Variants in TOX2 observed in about 807,000 individuals in gnomAD.
TOX2 encodes TOX high mobility group box family member 2, also known as granulosa cell HMG box 1.
TOX2 carries 15 observed loss-of-function variants against 47.4 expected under a neutral mutation model. The ratio of observed to expected loss-of-function variants is 0.32; its 90% CI spans 0.21 to 0.49. The LOEUF (loss-of-function observed/expected upper bound fraction) is 0.49, where lower values mean the gene tolerates loss of function less well. Among genes scored for constraint, TOX2 ranks in the 20% least tolerant of loss-of-function variants. TOX2 has a pLI of 0.99. For missense variants in TOX2, 622 were observed against 673.1 expected (o/e 0.92, Z 0.84); for synonymous variants, 290 against 296.6 (o/e 0.98, Z 0.23).
chr20:44,065,563 C>T lies in TOX2; in HGVS notation c.961-149C>T, dbSNP rs2071798165. 1.0e-5 allele frequency: 9 copies of T among 891,070 alleles called. No individual in the cohort carries two copies. In the South Asian group the frequency reaches 1.3e-4, roughly 13 times the overall value. The allele number at this position is 891,070 out of a possible 1,614,324, so 55.2% of individuals were successfully genotyped here. A position where few individuals can be genotyped will look rare whatever the true frequency, so the allele number is the denominator to read the frequency against. On this transcript the variant is annotated intron_variant, in intron 6 of 8. Transcript: ENST00000341197. Reference sequence around the variant, plus strand: ...GGTCAGAGCCAAGGGGACTAAGGACCCTGTGCTATCTCTGGTTAGTCCAAG... The same window carrying T: ...GGTCAGAGCCAAGGGGACTAAGGACTCTGTGCTATCTCTGGTTAGTCCAAG...
intron 5 of TOX2, among the ~76,000 whole-genome samples, chr20:44,064,033 T>C (rs1203355611): frequency 6.6e-6 from 1 of 152,178 alleles, no homozygotes; most frequent in Non-Finnish European, 1.5e-5. Flanking sequence ...GATAAAAGAC[T>C]ATCATCAGGT....
rs1555842268 is a variant in TOX2 at position 44,026,228 on chromosome 20, G to GAGATATATATATATATATATATAT, written c.411+19437_411+19438insGATATATATATATATATATATATA. Among the ~76,000 whole-genome samples, 30 of 60,248 alleles carry GAGATATATATATATATATATATAT rather than the reference G, an allele frequency of 5.0e-4. 1 individual carries two copies. The highest frequency in any genetic ancestry group is 8.4e-4 in the Non-Finnish European group (27 of 32,234). The allele number at this position is 60,248 out of a possible 152,430, so 39.5% of individuals were successfully genotyped here. On this transcript the variant is annotated intron_variant, in intron 3 of 8. Coordinates refer to ENST00000341197, the MANE Select transcript of TOX2 (RefSeq NM_001098797.2). ...TCGATCGAGTGGATAAAGAAACTGT[G>GAGATATATATATATATATATATAT]ATATATATATATATATATATAGACA...
chr20:44,060,485 A>G (rs1306193929), intron 5 of TOX2, among the ~76,000 whole-genome samples: 1 of 152,204 alleles, frequency 6.6e-6, no homozygotes, highest in Non-Finnish European at 1.5e-5. Flanking sequence ...GTTCTCCAAG[A>G]TAGACCATAC....
chr20:43,948,973 A>G (rs1026319437), intron 1 of TOX2, among the ~76,000 whole-genome samples: 2 of 152,126 alleles, frequency 1.3e-5, no homozygotes, highest in African/African-American at 4.8e-5. Flanking sequence ...TGTGAAGAGC[A>G]ATTGAGGCCA....
intron 5 of TOX2, 87 bp downstream of exon 5, chr20:44,054,613 C>T (rs2071585170): frequency 1.4e-6 from 2 of 1,396,868 alleles, no homozygotes; most frequent in African/African-American, 1.4e-5. Flanking sequence ...AAACCAGGCC[C>T]AGCTCTGGAA....
intron 3 of TOX2, among the ~76,000 whole-genome samples, chr20:44,030,029 A>C (rs536520947): frequency 1.4e-4 from 21 of 152,228 alleles, no homozygotes; most frequent in Non-Finnish European, 2.6e-4. Context: ...CTCCACGCTC[A>C]TGGCTGGGTA....
intron 2 of TOX2, among the ~76,000 whole-genome samples, chr20:43,974,477 C>T (rs1237673743): frequency 6.6e-6 from 1 of 152,168 alleles, no homozygotes; most frequent in Non-Finnish European, 1.5e-5. Flanking sequence ...GGGACCAGCT[C>T]GGGACACTGA....
intron 1 of TOX2, among the ~76,000 whole-genome samples, chr20:43,972,726 C>T (rs6093907): frequency 6.6e-6 from 1 of 152,232 alleles, no homozygotes; most frequent in Non-Finnish European, 1.5e-5. Flanking sequence ...GCACCTGCTC[C>T]TGACTTTTTA....
chr20:44,002,775 A>G (rs941449566), intron 2 of TOX2, among the ~76,000 whole-genome samples: 7 of 152,024 alleles, frequency 4.6e-5, no homozygotes, highest in Non-Finnish European at 8.8e-5. Context: ...AGAGAGAGAG[A>G]GGGGAAGAGG....
chr20:44,019,641 G>A (rs1457753490), intron 3 of TOX2, among the ~76,000 whole-genome samples: 2 of 152,208 alleles, frequency 1.3e-5, no homozygotes, highest in African/African-American at 4.8e-5. Context: ...CATAGGGTGT[G>A]TGTGTTGGGC....
At chr20:44,060,103 C>A (rs888972435) in intron 5 of TOX2, among the ~76,000 whole-genome samples, 3 of 152,152 alleles carry the variant, frequency 2.0e-5, no homozygotes, top group Admixed American at 2.0e-4. Context: ...GCAGGAATAG[C>A]TATTCTTATA....
chr20:43,990,605 G>A (rs2070352451), intron 2 of TOX2, among the ~76,000 whole-genome samples: 1 of 152,218 alleles, frequency 6.6e-6, no homozygotes, highest in Non-Finnish European at 1.5e-5. Flanking sequence ...AGAATGCAGT[G>A]TTTGGGGGCT....
intron 5 of TOX2, among the ~76,000 whole-genome samples, chr20:44,059,733 C>CT (rs2071683296): frequency 6.6e-6 from 1 of 152,130 alleles, no homozygotes. Context: ...CAAGCCAGCA[C>CT]TGCAAGAACT....
intron 3 of TOX2, among the ~76,000 whole-genome samples, chr20:44,031,442 C>T (rs976403184): frequency 2.6e-5 from 4 of 152,082 alleles, no homozygotes; most frequent in Admixed American, 1.3e-4. Context: ...TATATTGGTG[C>T]GATTAGCTCA....
intron 2 of TOX2, among the ~76,000 whole-genome samples, chr20:43,980,442 A>C (rs2070151039): frequency 6.6e-6 from 1 of 152,204 alleles, no homozygotes; most frequent in Non-Finnish European, 1.5e-5. Context: ...AATAAGATTT[A>C]ATGTTTGATA....
At chr20:43,994,508 T>C (rs537270493) in intron 2 of TOX2, among the ~76,000 whole-genome samples, 3 of 151,652 alleles carry the variant, frequency 2.0e-5, no homozygotes, top group East Asian at 1.9e-4. Context: ...AGCTTCCTTA[T>C]CTGTAAAATG....
intron 3 of TOX2, among the ~76,000 whole-genome samples, chr20:44,045,870 A>G (rs149523528): frequency 1.3e-5 from 2 of 152,362 alleles, no homozygotes; most frequent in Admixed American, 6.5e-5. Context: ...AAAGAAAACA[A>G]GCCCTAATAC....
intron 1 of TOX2, among the ~76,000 whole-genome samples, chr20:43,963,542 A>G (rs1268571122): frequency 6.6e-6 from 1 of 152,156 alleles, no homozygotes; most frequent in East Asian, 1.9e-4. Flanking sequence ...TGGACTTCAG[A>G]CTCAGCTCAG....
chr20:44,010,727 C>T (rs2070765051), intron 3 of TOX2, among the ~76,000 whole-genome samples: 1 of 152,044 alleles, frequency 6.6e-6, no homozygotes, highest in South Asian at 2.1e-4. Context: ...TTGCATAATC[C>T]CCCCAAGAAG....
Sources: allele counts gnomAD v4.1 joint callset (sites outside exome capture counted in the v4.1 genomes callset), GRCh38; gene constraint gnomAD v4.1.1; transcripts MANE v1.5; gene names NCBI Gene and HGNC (gene_info 2026-07-23, HGNC 2026-07-21).